The following FRG1 variants were observed in gnomAD, a reference collection of about 807,000 sequenced individuals.
The protein encoded by FRG1 is FSHD region gene 1.
In FRG1, 19 loss-of-function variants were observed where a neutral mutation model predicts 37.0. The observed-to-expected ratio is 0.51, with a 90% CI of 0.36 to 0.75. FRG1 has a LOEUF of 0.75. Among genes scored for constraint, FRG1 ranks in the 30% least tolerant of loss-of-function variants. The probability of loss-of-function intolerance (pLI) is 0.00; values close to 1 mark genes in which losing one functional copy is unlikely to be tolerated. For missense variants in FRG1, 243 were observed against 301.4 expected, an observed-to-expected ratio of 0.81 and a Z score of 1.44; for synonymous variants, 73 against 96.5, an observed-to-expected ratio of 0.76 and a Z score of 1.43.
At chr4:189,950,773 C>T (rs1398370746) in intron 2 of FRG1, among the ~76,000 whole-genome samples, 1 of 152,118 alleles carries the variant, frequency 6.6e-6, no homozygotes, top group Non-Finnish European at 1.5e-5. Context: ...TTTTGCCAAT[C>T]TCATTTCATT....
In FRG1 at chr4:189,963,182, T is replaced by C. The variant is rs1486945438; in HGVS notation, c.*53T>C. The C allele has an allele frequency of 2.1e-5, 31 of 1,460,708 alleles. No individual in the cohort carries two copies. Among genetic ancestry groups the C allele is most frequent in the Non-Finnish European group, 2.7e-5 (28 of 1,044,794 alleles). 90.5% of individuals were successfully genotyped at this position (1,460,708 alleles called of 1,614,324 possible). ...TCTGTGTTTTTTTCTGAATAAAATA[T>C]TCAGAGGAAATGCTTTTACAGAGTT... On this transcript the variant is annotated 3_prime_UTR_variant, in exon 9 of 9. Transcript: ENST00000226798.
chr4:189,943,297 TC>T, intron 2 of FRG1, 25 bp downstream of exon 2: 1 of 1,586,964 alleles, frequency 6.3e-7, no homozygotes, highest in Non-Finnish European at 8.5e-7. Context: ...AGTGCTCTAT[TC>T]TGAAAAAAGT....
intron 8 of FRG1, among the ~76,000 whole-genome samples, chr4:189,962,687 A>G (rs905587192): frequency 6.6e-6 from 1 of 152,218 alleles, no homozygotes; most frequent in African/African-American, 2.4e-5. Context: ...ATGAATATGT[A>G]TCTCATTGTA....
intron 4 of FRG1, 74 bp downstream of exon 4, chr4:189,953,199 A>G (rs977598782): frequency 6.7e-7 from 1 of 1,483,614 alleles, no homozygotes; most frequent in African/African-American, 1.4e-5. Context: ...AAATTTTAGT[A>G]TCTGTCTTAA....
chr4:189,948,535 C>T, intron 2 of FRG1, among the ~76,000 whole-genome samples: 1 of 152,034 alleles, frequency 6.6e-6, no homozygotes, highest in East Asian at 1.9e-4. Flanking sequence ...TCCTTTGTGC[C>T]AAGCACATAA....
At chr4:189,951,068 T>A (rs1736732414) in intron 2 of FRG1, among the ~76,000 whole-genome samples, 1 of 152,234 alleles carries the variant, frequency 6.6e-6, no homozygotes, top group Admixed American at 6.5e-5. Context: ...TTTTTAACAT[T>A]AAGATATAAA....
At chr4:189,942,311 G>T (rs1156726220) in intron 1 of FRG1, among the ~76,000 whole-genome samples, 4 of 152,074 alleles carry the variant, frequency 2.6e-5, no homozygotes, top group African/African-American at 9.7e-5. Flanking sequence ...GTTCACCACT[G>T]TCTAGTTGCT....
At chr4:189,941,128 C>A (rs772699235) in intron 1 of FRG1, 57 bp downstream of exon 1, 34 of 1,452,648 alleles carry the variant, frequency 2.3e-5, no homozygotes, top group Non-Finnish European at 3.0e-5. Flanking sequence ...GCACTCCACC[C>A]CCGCAACTCC....
chr4:189,960,974 A>G (rs1737203588), intron 7 of FRG1, 135 bp downstream of exon 7: 1 of 973,098 alleles, frequency 1.0e-6, no homozygotes, highest in Non-Finnish European at 1.5e-6. Context: ...AGGCTGAGAC[A>G]GGAGGATTGT....
chr4:189,951,274 G>A (rs1428901421), intron 2 of FRG1, among the ~76,000 whole-genome samples: 1 of 152,066 alleles, frequency 6.6e-6, no homozygotes, highest in Admixed American at 6.6e-5. Flanking sequence ...TGGATCACGA[G>A]GTCGGGAGTT....
At chr4:189,952,388 T>C in intron 3 of FRG1, 101 bp downstream of exon 3, 2 of 825,230 alleles carry the variant, frequency 2.4e-6, no homozygotes, top group Non-Finnish European at 3.6e-6. Flanking sequence ...TCCAAAGGAA[T>C]GGAACCATTG....
chr4:189,953,535 C>T (rs1736851460), intron 4 of FRG1, among the ~76,000 whole-genome samples: 7 of 152,170 alleles, frequency 4.6e-5, no homozygotes, highest in Middle Eastern at 3.4e-3. Flanking sequence ...TATTTTTACT[C>T]ACTATTTTTA....
chr4:189,941,717 T>A (rs1736311580), intron 1 of FRG1: 1 of 272,718 alleles, frequency 3.7e-6, no homozygotes, highest in African/African-American at 2.3e-5. Flanking sequence ...TGAGAGAACA[T>A]ATATGCAGAA....
At chr4:189,960,572 A>G (rs984271314) in intron 6 of FRG1, among the ~76,000 whole-genome samples, 176 bp from the exon 7 acceptor site, 2 of 152,248 alleles carry the variant, frequency 1.3e-5, no homozygotes, top group African/African-American at 4.8e-5. Context: ...ACTTACTCAT[A>G]TAGATTATAT....
intron 5 of FRG1, among the ~76,000 whole-genome samples, chr4:189,955,626 G>T (rs548063984): frequency 6.6e-6 from 1 of 152,026 alleles, no homozygotes; most frequent in African/African-American, 2.4e-5. Flanking sequence ...AATAGCATAC[G>T]AAAAGATAGT....
rs369378595 is a variant in FRG1 at position 189,944,675 on chromosome 4, A to G, written c.133+1403A>G. 6.6e-5 allele frequency among the ~76,000 whole-genome samples: 10 copies of G among 151,784 alleles called. No homozygotes were observed. The East Asian group carries it at 1.9e-3, about 29-fold the overall frequency. On this transcript the variant is annotated intron_variant, in intron 2 of 8. Transcript: ENST00000226798. The stretch of plus-strand genomic sequence containing the variant: ...AGCACCACTGGTGTTTCCTTTTTCC[A>G]TTAATCCACTTTGGTATCTTCATAA...
intron 6 of FRG1, among the ~76,000 whole-genome samples, chr4:189,958,960 G>A (rs1737108120): frequency 6.6e-6 from 1 of 152,246 alleles, no homozygotes; most frequent in East Asian, 1.9e-4. Context: ...GTTGCATCCA[G>A]TCTGACCCAG....
chr4:189,960,555 T>C (rs1343511790), intron 6 of FRG1, among the ~76,000 whole-genome samples, 193 bp from the exon 7 acceptor site: 2 of 152,240 alleles, frequency 1.3e-5, no homozygotes, highest in East Asian at 1.9e-4. Context: ...AGGAAGCATG[T>C]GATAGCACTT....
intron 2 of FRG1, among the ~76,000 whole-genome samples, chr4:189,949,100 T>C (rs1579625598): frequency 6.6e-6 from 1 of 152,204 alleles, no homozygotes; most frequent in Non-Finnish European, 1.5e-5. Flanking sequence ...ACTTTAAGCA[T>C]GTGTCTAAAT....
Sources: allele counts gnomAD v4.1 joint callset (sites outside exome capture counted in the v4.1 genomes callset), GRCh38; gene constraint gnomAD v4.1.1; transcripts MANE v1.5; gene names NCBI Gene and HGNC (gene_info 2026-07-23, HGNC 2026-07-21).